Variants in MAP3K15 observed in about 807,000 individuals in gnomAD.
MAP3K15 encodes mitogen-activated protein kinase kinase kinase 15.
Under a neutral mutation model 99.5 loss-of-function variants are expected in MAP3K15, and 124 were observed. That is an observed-to-expected ratio of 1.25 (90% CI 1.08 to 1.45). MAP3K15 has a LOEUF of 1.45. Ranked by LOEUF, MAP3K15 falls within the 40% of genes most tolerant of loss-of-function variation. The pLI, the probability that MAP3K15 is intolerant of heterozygous loss-of-function variation, is 0.00. For missense variants in MAP3K15, 1,242 were observed against 1,079.7 expected (o/e 1.15, Z -2.11); for synonymous variants, 494 against 439.6 (o/e 1.12, Z -1.55).
chrX:19,468,041 C>G (rs2064180606), intron 3 of MAP3K15, among the ~76,000 whole-genome samples: 1 of 111,439 alleles, frequency 9.0e-6, no homozygotes. Context: ...GCCATCTCCA[C>G]AGCAGTGGTA....
intron 1 of MAP3K15, among the ~76,000 whole-genome samples, chrX:19,489,446 T>C (rs2064351859): frequency 9.0e-6 from 1 of 110,998 alleles, no homozygotes; most frequent in African/African-American, 3.3e-5. Flanking sequence ...CGCACGTGTG[T>C]GTGCGCTATA....
chrX:19,377,808 G>C (rs1053320917), intron 19 of MAP3K15, among the ~76,000 whole-genome samples: 1 of 112,153 alleles, frequency 8.9e-6, no homozygotes, highest in Admixed American at 9.4e-5. Context: ...AGGGTCCACC[G>C]CACACGGTCA....
chrX:19,420,254 G>C lies in MAP3K15; in HGVS notation c.1440-4997C>G, dbSNP rs773761384. 5.4e-5 allele frequency among the ~76,000 whole-genome samples: 6 copies of C among 111,320 alleles called. No homozygotes were observed. In the East Asian group the frequency reaches 1.7e-3, roughly 31 times the overall value. The stretch of plus-strand genomic sequence containing the variant: ...AAAAAAATCAATGAATCCAGGAGCT[G>C]GTTTTTTGAAAAGATCAACAAAATT... On this transcript the variant is annotated intron_variant, in intron 9 of 28. Transcript: ENST00000338883.
intron 23 of MAP3K15, 98 bp from the exon 24 acceptor site, chrX:19,371,162 T>C (rs1205229694): frequency 1.7e-5 from 14 of 801,132 alleles, no homozygotes; most frequent in African/African-American, 2.1e-5. Flanking sequence ...CTCATCCTCT[T>C]GGGGGCCGCA....
At chrX:19,407,628 A>G (rs912636822) in intron 12 of MAP3K15, among the ~76,000 whole-genome samples, 10 of 112,622 alleles carry the variant, frequency 8.9e-5, no homozygotes, top group African/African-American at 2.9e-4. Flanking sequence ...GGTATTTGTG[A>G]AATAATTTAT....
At chrX:19,429,818 GA>G (rs2063866763) in intron 7 of MAP3K15, among the ~76,000 whole-genome samples, 1 of 90,589 alleles carries the variant, frequency 1.1e-5, no homozygotes, top group Non-Finnish European at 2.1e-5. Context: ...GAGAGAGAGA[GA>G]GAGGAAGCAG....
At chrX:19,474,986 G>A (rs991581024) in intron 3 of MAP3K15, among the ~76,000 whole-genome samples, 4 of 110,805 alleles carry the variant, frequency 3.6e-5, no homozygotes, top group East Asian at 5.6e-4. Flanking sequence ...ATTTTTCCAC[G>A]GACCAGGTGG....
chrX:19,501,847 C>T (rs1400769897), intron 1 of MAP3K15, among the ~76,000 whole-genome samples: 1 of 111,712 alleles, frequency 9.0e-6, no homozygotes, highest in African/African-American at 3.3e-5. Flanking sequence ...AAGCAGATCA[C>T]CTGAGGTCAG....
At chrX:19,462,942 G>C (rs927250072) in intron 4 of MAP3K15, among the ~76,000 whole-genome samples, 4 of 112,368 alleles carry the variant, frequency 3.6e-5, no homozygotes, top group African/African-American at 1.3e-4. Flanking sequence ...AGAGTTGTTT[G>C]CCTACTGATA....
At chrX:19,485,730 G>C (rs2064320242) in intron 3 of MAP3K15, among the ~76,000 whole-genome samples, 1 of 110,485 alleles carries the variant, frequency 9.1e-6, no homozygotes. Context: ...AGAAGAGCTA[G>C]CAGGAAGGAG....
chrX:19,416,783 G>C (rs1282478163), intron 9 of MAP3K15, among the ~76,000 whole-genome samples: 1 of 111,837 alleles, frequency 8.9e-6, no homozygotes, highest in Non-Finnish European at 1.9e-5. Flanking sequence ...TTATTGGTAA[G>C]GCTTCCAGTC....
chrX:19,398,103 G>T, intron 15 of MAP3K15, 123 bp downstream of exon 15: 3 of 663,943 alleles, frequency 4.5e-6, no homozygotes, highest in African/African-American at 2.3e-5. Context: ...TATTACAAGA[G>T]AATGACAGGT....
chrX:19,383,787 A>G (rs1268526489), intron 18 of MAP3K15, among the ~76,000 whole-genome samples: 1 of 112,127 alleles, frequency 8.9e-6, no homozygotes, highest in African/African-American at 3.2e-5. Context: ...ACAGTGAGAT[A>G]GCATCTCACT....
intron 12 of MAP3K15, among the ~76,000 whole-genome samples, chrX:19,408,927 T>C (rs1326707285): frequency 8.9e-6 from 1 of 112,096 alleles, no homozygotes; most frequent in Non-Finnish European, 1.9e-5. Context: ...ATAAATTATT[T>C]CTCAAATACC....
intron 25 of MAP3K15, among the ~76,000 whole-genome samples, chrX:19,366,404 C>T (rs1373826834): frequency 2.7e-5 from 3 of 111,902 alleles, no homozygotes; most frequent in African/African-American, 6.5e-5. Flanking sequence ...CAAGGCACTT[C>T]ATACTACAGT....
chrX:19,486,117 C>G (rs993447026), intron 3 of MAP3K15, among the ~76,000 whole-genome samples: 8 of 111,417 alleles, frequency 7.2e-5, no homozygotes, highest in Admixed American at 3.8e-4. Flanking sequence ...TAGGGAAACT[C>G]TGCTTGGGAA....
chrX:19,461,681 C>A (rs1238243546), intron 4 of MAP3K15, among the ~76,000 whole-genome samples: 1 of 111,285 alleles, frequency 9.0e-6, no homozygotes, highest in African/African-American at 3.3e-5. Context: ...AGCAGTAATA[C>A]TGTCGTCCCA....
At position 19,361,147 on chromosome X, in the gene MAP3K15, C is replaced by T. The variant is rs2063281076; in HGVS notation, c.3857+192G>A. The T allele has an allele frequency of 6.9e-6, 3 of 432,900 alleles. No individual in the cohort carries two copies. The South Asian group carries it at 1.1e-4, about 16-fold the overall frequency. The allele number at this position is 432,900 out of a possible 1,213,427, so 35.7% of individuals were successfully genotyped here. On this transcript the variant is annotated intron_variant, in intron 28 of 28. Transcript: ENST00000338883. Reference sequence around the variant, plus strand: ...ATTAATGGCAGGAGATTGGCCAGCTCTTCTCTGTCACATTCCTATTTCTGA... The same window carrying T: ...ATTAATGGCAGGAGATTGGCCAGCTTTTCTCTGTCACATTCCTATTTCTGA...
At chrX:19,497,386 T>C (rs2064413223) in intron 1 of MAP3K15, 1 of 110,719 alleles carries the variant, frequency 9.0e-6, no homozygotes, top group Non-Finnish European at 1.9e-5. Context: ...GGTCTCAAAC[T>C]CATGACCTCA....
Sources: allele counts gnomAD v4.1 joint callset (sites outside exome capture counted in the v4.1 genomes callset), GRCh38; gene constraint gnomAD v4.1.1; transcripts MANE v1.5; gene names NCBI Gene and HGNC (gene_info 2026-07-23, HGNC 2026-07-21).